SPATA1: variants seen among roughly 807,000 people sequenced by gnomAD.
SPATA1 encodes the protein spermatogenesis-associated protein 1.
Under a neutral mutation model 59.6 loss-of-function variants are expected in SPATA1, and 57 were observed. The observed-to-expected ratio is 0.96, with a 90% CI of 0.77 to 1.19. SPATA1 has a LOEUF of 1.19. Among genes scored for constraint, SPATA1 ranks in the 50% most tolerant of loss-of-function variants. The pLI, the probability that SPATA1 is intolerant of heterozygous loss-of-function variation, is 0.00. For missense variants in SPATA1, 448 were observed against 480.7 expected (o/e 0.93, Z 0.64); for synonymous variants, 147 against 163.9 (o/e 0.90, Z 0.79).
exon 8 of SPATA1, chr1:84,533,735 A>T: frequency 6.4e-7 from 1 of 1,566,536 alleles, no homozygotes; most frequent in Non-Finnish European, 8.7e-7. Flanking sequence ...AATGAAGATG[A>T]TACAGCTATC....
At chr1:84,527,487 T>A (rs977780651) in intron 6 of SPATA1, 1 of 152,088 alleles carries the variant, frequency 6.6e-6, no homozygotes, top group Non-Finnish European at 1.5e-5. Context: ...ACTCAGAGAT[T>A]ACTACTACTT....
At chr1:84,566,993 CT>C (rs746274830), downstream of SPATA1, among the ~76,000 whole-genome samples, 2 of 152,156 alleles carry the variant, frequency 1.3e-5, no homozygotes, top group Non-Finnish European at 2.9e-5. Flanking sequence ...TGTTTATTGC[CT>C]TAACCAAATA....
chr1:84,531,696 C>T (rs1226322335), intron 6 of SPATA1, among the ~76,000 whole-genome samples: 2 of 151,338 alleles, frequency 1.3e-5, no homozygotes, highest in African/African-American at 4.9e-5. Context: ...ACCCTAGTCT[C>T]CCAAGTAGCT....
rs762821569 is a variant in SPATA1, at chr1:84,548,707, G to GGATGAAAA, written c.947-77_947-70dup. ...GACATTAGCTCTAGGATCCTTTCCA[G>GGATGAAAA]GATGAAAAGTTGAATCCTTTAATAC... On this transcript the variant is annotated intron_variant, in intron 10 of 12. Transcript: ENST00000490879. 1.4e-3 allele frequency: 1,813 copies of GGATGAAAA among 1,338,708 alleles called. 6 individuals carry two copies. Among genetic ancestry groups the GGATGAAAA allele is most frequent in the Non-Finnish European group, 1.6e-3 (1,688 of 1,042,100 alleles). The allele number at this position is 1,338,708 out of a possible 1,614,324, so 82.9% of individuals were successfully genotyped here.
chr1:84,538,489 G>T (rs1683791034), intron 8 of SPATA1, among the ~76,000 whole-genome samples: 1 of 152,236 alleles, frequency 6.6e-6, no homozygotes, highest in Middle Eastern at 3.4e-3. Flanking sequence ...TTTCTTAGGG[G>T]GTAGGAGATA....
intron 8 of SPATA1, 55 bp from the exon 9 acceptor site, chr1:84,544,147 G>T: frequency 8.3e-7 from 1 of 1,205,856 alleles, no homozygotes; most frequent in South Asian, 1.3e-5. Context: ...ACGGGCAAGT[G>T]AAAAAAGAAT....
intron 4 of SPATA1, 59 bp from the exon 14 acceptor site, chr1:84,565,802 A>G (rs1684687955): frequency 9.2e-7 from 1 of 1,092,564 alleles, no homozygotes; most frequent in Non-Finnish European, 1.2e-6. Context: ...ATAGAATATT[A>G]TTAATATTAT....
intron 4 of SPATA1, chr1:84,563,205 A>G (rs573883276): frequency 1.6e-5 from 20 of 1,229,336 alleles, no homozygotes; most frequent in African/African-American, 3.1e-5. Flanking sequence ...AATTATGAAA[A>G]TAATTACAAA....
downstream of SPATA1, among the ~76,000 whole-genome samples, chr1:84,557,564 AAAAG>A (rs1174296520): frequency 1.3e-5 from 2 of 150,046 alleles, no homozygotes; most frequent in Non-Finnish European, 3.0e-5. Flanking sequence ...GAAAAAAAAA[AAAAG>A]AAGGAGGCTG....
chr1:84,549,908 G>A (rs956127894), intron 11 of SPATA1: 12 of 150,600 alleles, frequency 8.0e-5, no homozygotes, highest in African/African-American at 2.9e-4. Context: ...TTATCTTACT[G>A]TTTAATCAGT....
intron 10 of SPATA1, 61 bp downstream of exon 10, chr1:84,545,820 C>A: frequency 8.5e-7 from 1 of 1,177,826 alleles, no homozygotes; most frequent in Non-Finnish European, 1.1e-6. Flanking sequence ...CAGAATTGAT[C>A]CTTTTAGAAT....
downstream of SPATA1, among the ~76,000 whole-genome samples, chr1:84,558,556 G>T (rs1684521721): frequency 6.6e-6 from 1 of 150,638 alleles, no homozygotes; most frequent in Non-Finnish European, 1.5e-5. Context: ...CTCCCAAAGT[G>T]CTGGGATTAC....
At chr1:84,539,900 G>C (rs565273456) in intron 8 of SPATA1, among the ~76,000 whole-genome samples, 1 of 152,090 alleles carries the variant, frequency 6.6e-6, no homozygotes, top group South Asian at 2.1e-4. Flanking sequence ...TGCTTTATGT[G>C]TTTCTATATG....
chr1:84,533,578 G>T, intron 7 of SPATA1, 131 bp from the exon 8 acceptor site: 1 of 685,232 alleles, frequency 1.5e-6, no homozygotes, highest in Non-Finnish European at 2.5e-6. Flanking sequence ...ATATGATAAT[G>T]GTCTCAGGCT....
rs534071624 is a variant in SPATA1, at chr1:84,541,452, A to G, written c.718-2750A>G. ...TCTTGGCTCCTTTTATTTCTATTCT[A>G]TGTTTTTCTTACTATATTTTTGGTC... On this transcript the variant is annotated intron_variant, in intron 8 of 12. Transcript: ENST00000490879. 5.3e-5 allele frequency among the ~76,000 whole-genome samples: 8 copies of G among 150,944 alleles called. No homozygotes were observed. In the East Asian group the frequency reaches 5.8e-4, roughly 11 times the overall value.
chr1:84,536,203 T>C (rs1468958364), intron 8 of SPATA1, among the ~76,000 whole-genome samples: 1 of 152,220 alleles, frequency 6.6e-6, no homozygotes, highest in Non-Finnish European at 1.5e-5. Context: ...AGAATATAAC[T>C]TTAAATTGGC....
At chr1:84,553,216 T>C (rs1204458610) in exon 13 of SPATA1, 5 of 718,870 alleles carry the variant, frequency 7.0e-6, no homozygotes, top group Middle Eastern at 4.0e-4. Context: ...CAATGTTTTA[T>C]AAAAAGCACA....
At chr1:84,565,145 G>A (rs1014377715) in intron 4 of SPATA1, among the ~76,000 whole-genome samples, 2 of 152,064 alleles carry the variant, frequency 1.3e-5, no homozygotes, top group African/African-American at 4.8e-5. Flanking sequence ...GCTGCAGTGA[G>A]CCCTGATCGT....
At chr1:84,558,899 TA>T (rs1298637055), downstream of SPATA1, among the ~76,000 whole-genome samples, 1 of 150,476 alleles carries the variant, frequency 6.6e-6, no homozygotes, top group Non-Finnish European at 1.5e-5. Context: ...AAACCTCGTC[TA>T]AAAAAAAAGA....
Sources: gnomAD v4.1 joint callset for allele counts (sites outside exome capture counted in the v4.1 genomes callset) on GRCh38, gnomAD v4.1.1 for gene constraint, MANE v1.5 for transcripts, NCBI Gene and HGNC (gene_info 2026-07-23, HGNC 2026-07-21) for gene names.